SPOCK3: variants seen among roughly 807,000 people sequenced by gnomAD.
SPOCK3 encodes testican-3.
In SPOCK3, 30 loss-of-function variants were observed where a neutral mutation model predicts 56.6. The observed-to-expected ratio is 0.53, with a 90% CI of 0.40 to 0.72. SPOCK3 has a LOEUF of 0.72. Among genes scored for constraint, SPOCK3 ranks in the 30% least tolerant of loss-of-function variants. SPOCK3 has a pLI of 0.00. For synonymous variants in SPOCK3, 196 were observed against 183.3 expected (o/e 1.07, Z -0.56); for missense variants, 527 against 530.0 (o/e 0.99, Z 0.06).
At chr4:166,797,393 A>C (rs1228812844) in intron 6 of SPOCK3, among the ~76,000 whole-genome samples, 1 of 151,572 alleles carries the variant, frequency 6.6e-6, no homozygotes, top group Non-Finnish European at 1.5e-5. Flanking sequence ...CCTGGCTACA[A>C]ATATGTAAAC....
chr4:167,010,955 T>C (rs1749984247), intron 3 of SPOCK3, among the ~76,000 whole-genome samples: 1 of 152,154 alleles, frequency 6.6e-6, no homozygotes, highest in Non-Finnish European at 1.5e-5. Context: ...ATAGTTACTT[T>C]CATCCAGTTT....
intron 4 of SPOCK3, among the ~76,000 whole-genome samples, chr4:166,951,428 A>T (rs1164403678): frequency 1.4e-5 from 2 of 140,786 alleles, no homozygotes; most frequent in Non-Finnish European, 3.0e-5. Flanking sequence ...GCTGAAATTG[A>T]GGCAAGAATC....
At chr4:167,120,062 T>C (rs571692327) in intron 2 of SPOCK3, among the ~76,000 whole-genome samples, 82 of 152,156 alleles carry the variant, frequency 5.4e-4, no homozygotes, top group African/African-American at 1.9e-3. Flanking sequence ...TAAATAAGGG[T>C]CATAAACAAT....
intron 7 of SPOCK3, among the ~76,000 whole-genome samples, chr4:166,789,196 A>C (rs2054143): frequency 6.6e-6 from 1 of 152,006 alleles, no homozygotes; most frequent in Non-Finnish European, 1.5e-5. Flanking sequence ...TTGGGAAGCC[A>C]AGGCGGGCAG....
intron 4 of SPOCK3, among the ~76,000 whole-genome samples, chr4:166,953,184 T>A (rs1397663577): frequency 6.0e-5 from 9 of 149,070 alleles, no homozygotes; most frequent in South Asian, 4.2e-4. Context: ...CAACCTACTC[T>A]TCTGACAAAG....
At chr4:166,852,398 A>G (rs1314700341) in intron 6 of SPOCK3, among the ~76,000 whole-genome samples, 1 of 152,104 alleles carries the variant, frequency 6.6e-6, no homozygotes, top group Non-Finnish European at 1.5e-5. Context: ...CCATGATAGG[A>G]TAGGAGGTCA....
chr4:166,997,550 C>A (rs1748512539), intron 4 of SPOCK3, among the ~76,000 whole-genome samples: 1 of 152,046 alleles, frequency 6.6e-6, no homozygotes, highest in African/African-American at 2.4e-5. Flanking sequence ...AAATATTTTA[C>A]AAATGGCAGC....
chr4:167,068,478 A>G (rs1013994559), intron 2 of SPOCK3, among the ~76,000 whole-genome samples: 1 of 151,756 alleles, frequency 6.6e-6, no homozygotes, highest in African/African-American at 2.4e-5. Context: ...GTCATCAATC[A>G]TTATGCTACA....
chr4:167,169,592 A>G (rs1414326865), intron 2 of SPOCK3, among the ~76,000 whole-genome samples: 1 of 152,180 alleles, frequency 6.6e-6, no homozygotes, highest in Non-Finnish European at 1.5e-5. Context: ...ATTAGGAGGA[A>G]GGGACTCGCA....
chr4:166,912,873 TTTTAA>T, intron 4 of SPOCK3, 130 bp from the exon 5 acceptor site: 3 of 706,376 alleles, frequency 4.2e-6, no homozygotes, highest in Non-Finnish European at 6.4e-6. Context: ...CTATTCTCAT[TTTTAA>T]TTTATTATTT....
intron 2 of SPOCK3, among the ~76,000 whole-genome samples, chr4:167,112,866 A>G (rs781563530): frequency 6.6e-6 from 1 of 151,852 alleles, no homozygotes; most frequent in Non-Finnish European, 1.5e-5. Flanking sequence ...AAAATCATAT[A>G]TATTAGATGT....
At chr4:166,969,419 C>A (rs780853353) in intron 4 of SPOCK3, among the ~76,000 whole-genome samples, 1 of 151,564 alleles carries the variant, frequency 6.6e-6, no homozygotes, top group Non-Finnish European at 1.5e-5. Context: ...TGGGAGGTGA[C>A]TGGATCATGG....
At chr4:167,067,570 C>T (rs1257859226) in intron 2 of SPOCK3, among the ~76,000 whole-genome samples, 1 of 151,708 alleles carries the variant, frequency 6.6e-6, no homozygotes, top group Non-Finnish European at 1.5e-5. Context: ...AAGAGTTTAG[C>T]TGATAATATT....
intron 2 of SPOCK3, among the ~76,000 whole-genome samples, chr4:167,068,846 G>A (rs1046028492): frequency 2.6e-5 from 4 of 151,910 alleles, no homozygotes; most frequent in African/African-American, 4.8e-5. Context: ...GACTAAGTAT[G>A]TAAAGAGAAA....
intron 6 of SPOCK3, among the ~76,000 whole-genome samples, chr4:166,817,669 T>C (rs145459897): frequency 3.3e-5 from 5 of 151,934 alleles, no homozygotes; most frequent in Admixed American, 6.6e-5. Context: ...TAAGAAAGAA[T>C]CCAATTTAAG....
chr4:166,867,482 T>A (rs997410871), intron 6 of SPOCK3, among the ~76,000 whole-genome samples: 1 of 151,892 alleles, frequency 6.6e-6, no homozygotes, highest in Non-Finnish European at 1.5e-5. Context: ...TCACTATTAT[T>A]ATTTAATAAG....
intron 5 of SPOCK3, among the ~76,000 whole-genome samples, chr4:166,911,889 C>T (rs1737320057): frequency 6.6e-6 from 1 of 152,088 alleles, no homozygotes; most frequent in Non-Finnish European, 1.5e-5. Flanking sequence ...TAATATGCTA[C>T]ACTACCTTTC....
At chr4:166,880,711 A>G (rs976318832) in intron 6 of SPOCK3, among the ~76,000 whole-genome samples, 5 of 152,152 alleles carry the variant, frequency 3.3e-5, no homozygotes, top group Non-Finnish European at 7.4e-5. Context: ...CCTAAAGTCA[A>G]TCGACAAGGC....
chr4:167,041,106 T>G (rs1015686752), intron 3 of SPOCK3, among the ~76,000 whole-genome samples: 1 of 152,270 alleles, frequency 6.6e-6, no homozygotes, highest in East Asian at 1.9e-4. Context: ...TAAAATAAAA[T>G]AGATTAAAAT....
Sources: gnomAD v4.1 joint callset for allele counts (sites outside exome capture counted in the v4.1 genomes callset) on GRCh38, gnomAD v4.1.1 for gene constraint, MANE v1.5 for transcripts, NCBI Gene and HGNC (gene_info 2026-07-23, HGNC 2026-07-21) for gene names.